The following ZFPM2 variants were observed in gnomAD, a reference collection of about 807,000 sequenced individuals.
The protein encoded by ZFPM2 is zinc finger protein ZFPM2.
A neutral mutation model predicts 98.6 loss-of-function variants in ZFPM2; 20 were observed. That is an observed-to-expected ratio of 0.20 (90% confidence interval 0.14 to 0.29). The LOEUF (loss-of-function observed/expected upper bound fraction) is 0.29, where lower values mean the gene tolerates loss of function less well. Ranked by LOEUF, ZFPM2 falls within the 10% of genes least tolerant of loss-of-function variation. ZFPM2 has a pLI of 1.00. For synonymous variants in ZFPM2, 518 were observed against 502.7 expected, an observed-to-expected ratio of 1.03 and a Z score of -0.41; for missense variants, 1,310 against 1,388.6, an observed-to-expected ratio of 0.94 and a Z score of 0.90.
chr8:105,665,265 A>G (rs1240742193), intron 5 of ZFPM2, among the ~76,000 whole-genome samples: 1 of 152,144 alleles, frequency 6.6e-6, no homozygotes, highest in Non-Finnish European at 1.5e-5. Flanking sequence ...ACCTTTCACT[A>G]GGGCCCACTT....
intron 4 of ZFPM2, among the ~76,000 whole-genome samples, chr8:105,604,871 A>G (rs1816166319): frequency 6.6e-6 from 1 of 151,998 alleles, no homozygotes; most frequent in East Asian, 1.9e-4. Context: ...TTTTCTCCCT[A>G]ATAAGTGGGT....
Position 105,640,635 on chromosome 8 carries a change from T to C in ZFPM2, c.532+6278T>C, listed in dbSNP as rs1816932571. Among the ~76,000 whole-genome samples, 4 of 152,080 alleles carry C rather than the reference T, an allele frequency of 2.6e-5. No individual in the cohort carries two copies. In the South Asian group the frequency reaches 8.3e-4, roughly 31 times the overall value. ...AGTAAGTAACTTTCTGCACACTCTC[T>C]AAATTAAATTTTCAAAACAAATGTC... is the stretch of plus-strand genomic sequence containing the variant. On this transcript the variant is annotated intron_variant, in intron 5 of 7. Transcript: ENST00000407775.
At chr8:105,691,015 C>T (rs1048028171) in intron 5 of ZFPM2, 3 of 152,056 alleles carry the variant, frequency 2.0e-5, no homozygotes, top group African/African-American at 7.2e-5. Flanking sequence ...TGGCATTTGA[C>T]CCCAATCTGT....
At chr8:105,742,358 A>ACAGAGTG (rs1404361107) in intron 5 of ZFPM2, among the ~76,000 whole-genome samples, 1 of 150,378 alleles carries the variant, frequency 6.6e-6, no homozygotes, top group Non-Finnish European at 1.5e-5. Context: ...AGCTTAGGCA[A>ACAGAGTG]CAGAGTGAGA....
At position 105,652,690 on chromosome 8, in the gene ZFPM2, G is replaced by A. The variant is rs1344871290; in HGVS notation, c.532+18333G>A. Among the ~76,000 whole-genome samples the A allele has an allele frequency of 6.6e-5, 10 of 152,076 alleles. 2 individuals are homozygous for A. Among genetic ancestry groups the A allele is most frequent in the Admixed American group, 5.2e-4 (8 of 15,294 alleles). On this transcript the variant is annotated intron_variant, in intron 5 of 7. Coordinates refer to ENST00000407775, the MANE Select transcript of ZFPM2 (RefSeq NM_012082.4). ...TTGTGCAGTCTTTCAAGAAATGGAC[G>A]TTTCAGAGGTACATTATAAAAATTT...
intron 5 of ZFPM2, among the ~76,000 whole-genome samples, chr8:105,726,552 C>A (rs143108661): frequency 6.6e-6 from 1 of 151,746 alleles, no homozygotes; most frequent in Non-Finnish European, 1.5e-5. Context: ...AACTAGCAGA[C>A]GCTTCGTTTG....
chr8:105,387,780 G>C (rs1438880755), intron 1 of ZFPM2: 1 of 153,086 alleles, frequency 6.5e-6, no homozygotes, highest in Non-Finnish European at 1.5e-5. Context: ...TGCCGCCAAA[G>C]TGGGAGCCCA....
intron 4 of ZFPM2, among the ~76,000 whole-genome samples, chr8:105,631,734 A>C (rs147941446): frequency 6.6e-6 from 1 of 152,334 alleles, no homozygotes. Context: ...AGCACAAGGC[A>C]CAGGATTGAG....
At chr8:105,787,160 C>T (rs1813436945) in intron 5 of ZFPM2, 1 of 152,168 alleles carries the variant, frequency 6.6e-6, no homozygotes, top group Non-Finnish European at 1.5e-5. Context: ...GGGAGAACAG[C>T]AGAAATACCA....
At chr8:105,789,073 T>C (rs1437613467) in intron 6 of ZFPM2, 149 bp downstream of exon 6, 11 of 669,906 alleles carry the variant, frequency 1.6e-5, no homozygotes, top group African/African-American at 3.6e-5. Flanking sequence ...ATATTTAATT[T>C]GAGAAAATGA....
chr8:105,522,697 G>A (rs1814089489), intron 3 of ZFPM2, among the ~76,000 whole-genome samples: 1 of 152,060 alleles, frequency 6.6e-6, no homozygotes, highest in African/African-American at 2.4e-5. Flanking sequence ...CTTGAACCCG[G>A]GAGGTGGAGG....
intron 3 of ZFPM2, among the ~76,000 whole-genome samples, chr8:105,547,411 G>A (rs1814732100): frequency 6.6e-6 from 1 of 151,542 alleles, no homozygotes. Flanking sequence ...GCGTGGTGGT[G>A]GGCACCTGTA....
chr8:105,385,131 T>G (rs1345363066), intron 1 of ZFPM2, among the ~76,000 whole-genome samples: 1 of 152,186 alleles, frequency 6.6e-6, no homozygotes, highest in Non-Finnish European at 1.5e-5. Context: ...CAAAGAGGTT[T>G]AAAATAATAA....
At chr8:105,626,964 C>T (rs1418406060) in intron 4 of ZFPM2, among the ~76,000 whole-genome samples, 1 of 152,070 alleles carries the variant, frequency 6.6e-6, no homozygotes, top group Non-Finnish European at 1.5e-5. Flanking sequence ...TAAAAATAAG[C>T]TCATCTCATG....
At chr8:105,441,725 G>T (rs148088971) in intron 2 of ZFPM2, among the ~76,000 whole-genome samples, 122 of 152,196 alleles carry the variant, frequency 8.0e-4, no homozygotes, top group African/African-American at 2.9e-3. Context: ...TGTATGTAGG[G>T]GTGATATTCA....
Position 105,646,626 on chromosome 8 carries a change from A to G in ZFPM2, c.532+12269A>G, listed in dbSNP as rs562455812. 2.8e-4 allele frequency among the ~76,000 whole-genome samples: 43 copies of G among 152,266 alleles called. 1 individual carries two copies. In the South Asian group the frequency reaches 8.9e-3, roughly 32 times the overall value. On this transcript the variant is annotated intron_variant, in intron 5 of 7. Transcript: ENST00000407775. ...GGACTTATCAACTGGAGGATTTTGC[A>G]TAGAATCATAGGCTGATGACAATCC...
chr8:105,487,941 G>T (rs62527187), intron 3 of ZFPM2, among the ~76,000 whole-genome samples: 31,366 of 85,858 alleles, frequency 0.37, 3,591 homozygotes, highest in East Asian at 0.47. Context: ...TAGCTAGCTA[G>T]CTAGCTAGCT....
chr8:105,518,781 A>G (rs1813990754), intron 3 of ZFPM2, among the ~76,000 whole-genome samples: 2 of 152,210 alleles, frequency 1.3e-5, no homozygotes. Flanking sequence ...TTTGACTTCT[A>G]CATTTTGGAA....
At chr8:105,601,144 C>T (rs1012385487) in intron 4 of ZFPM2, among the ~76,000 whole-genome samples, 8 of 152,054 alleles carry the variant, frequency 5.3e-5, no homozygotes, top group Admixed American at 4.6e-4. Flanking sequence ...TCGTTTTTCT[C>T]CATCACCACC....
Sources: gnomAD v4.1 joint callset for allele counts (sites outside exome capture counted in the v4.1 genomes callset) on GRCh38, gnomAD v4.1.1 for gene constraint, MANE v1.5 for transcripts, NCBI Gene and HGNC (gene_info 2026-07-23, HGNC 2026-07-21) for gene names.